The following EBF2 variants were observed in gnomAD, a reference collection of about 807,000 sequenced individuals.
EBF2 encodes the protein transcription factor COE2.
EBF2 carries 21 observed loss-of-function variants against 72.8 expected under a neutral mutation model. The observed-to-expected ratio is 0.29, with a 90% CI of 0.20 to 0.42. EBF2 has a LOEUF of 0.42. EBF2 is among the 10% of genes least tolerant of loss of function. The probability of loss-of-function intolerance (pLI) is 1.00; values close to 1 mark genes in which losing one functional copy is unlikely to be tolerated. For missense variants in EBF2, 637 were observed against 731.2 expected (o/e 0.87, Z 1.49); for synonymous variants, 299 against 274.2 (o/e 1.09, Z -0.89).
At chr8:25,865,733 G>T (rs776305885) in intron 10 of EBF2, among the ~76,000 whole-genome samples, 2 of 147,872 alleles carry the variant, frequency 1.4e-5, no homozygotes, top group African/African-American at 2.5e-5. Flanking sequence ...GCCTATAAAA[G>T]ATCTTAACCA....
intron 7 of EBF2, among the ~76,000 whole-genome samples, chr8:25,900,187 G>A (rs1279904412): frequency 6.6e-6 from 1 of 152,148 alleles, no homozygotes; most frequent in Non-Finnish European, 1.5e-5. Flanking sequence ...CAGGTGTGGT[G>A]GCTCACACCT....
At chr8:25,921,509 G>C (rs1803305532) in intron 6 of EBF2, among the ~76,000 whole-genome samples, 1 of 152,160 alleles carries the variant, frequency 6.6e-6, no homozygotes, top group Non-Finnish European at 1.5e-5. Flanking sequence ...AAGATTCCAG[G>C]AATCAGGAAT....
At chr8:25,976,623 G>A (rs1373819566) in intron 6 of EBF2, among the ~76,000 whole-genome samples, 1 of 147,224 alleles carries the variant, frequency 6.8e-6, no homozygotes, top group Non-Finnish European at 1.5e-5. Context: ...CTAAAGAGAT[G>A]AGGGGCTTTC....
At chr8:25,939,244 C>T (rs1217121459) in intron 6 of EBF2, among the ~76,000 whole-genome samples, 1 of 152,142 alleles carries the variant, frequency 6.6e-6, no homozygotes, top group African/African-American at 2.4e-5. Flanking sequence ...GAGAACATTG[C>T]TTTAAAACTT....
intron 6 of EBF2, among the ~76,000 whole-genome samples, chr8:25,984,695 AC>A (rs993624781): frequency 6.6e-6 from 1 of 151,524 alleles, no homozygotes; most frequent in African/African-American, 2.4e-5. Flanking sequence ...AAAAAAAAAG[AC>A]CCATTTGCCT....
chr8:25,917,200 T>G (rs1375735552), intron 6 of EBF2, among the ~76,000 whole-genome samples: 1 of 23,478 alleles, frequency 4.3e-5, no homozygotes, highest in South Asian at 8.9e-4. Flanking sequence ...TGGTTTGGGG[T>G]TTTTTTTTTT....
At chr8:25,866,632 TA>T (rs58458736) in intron 10 of EBF2, among the ~76,000 whole-genome samples, 1,732 of 107,606 alleles carry the variant, frequency 0.016, 52 homozygotes, top group African/African-American at 0.077. Flanking sequence ...TATATATATA[TA>T]TATTTTTTTT....
chr8:25,959,689 T>G (rs550400255), intron 6 of EBF2, among the ~76,000 whole-genome samples: 3 of 152,160 alleles, frequency 2.0e-5, no homozygotes, highest in Non-Finnish European at 4.4e-5. Flanking sequence ...GCAAACATCT[T>G]TGCCCCAGGT....
chr8:25,879,870 A>G (rs1230976150), intron 10 of EBF2, among the ~76,000 whole-genome samples: 1 of 152,132 alleles, frequency 6.6e-6, no homozygotes, highest in African/African-American at 2.4e-5. Context: ...CATTTGTTTA[A>G]AAGAAAATCT....
chr8:25,913,225 G>C (rs142091043), intron 6 of EBF2, among the ~76,000 whole-genome samples: 1,923 of 152,122 alleles, frequency 0.013, 44 homozygotes, highest in African/African-American at 0.044. Context: ...GGAGTATCAC[G>C]AGATCAAGAG....
intron 6 of EBF2, among the ~76,000 whole-genome samples, chr8:25,970,427 A>C (rs1417588914): frequency 6.6e-5 from 10 of 152,116 alleles, no homozygotes. Flanking sequence ...AGCTCTCCTT[A>C]GACATATGAA....
chr8:25,863,331 G>C (rs1802244517), intron 10 of EBF2, among the ~76,000 whole-genome samples: 3 of 151,948 alleles, frequency 2.0e-5, no homozygotes, highest in Non-Finnish European at 4.4e-5. Flanking sequence ...CCCACGTCTG[G>C]TAACTATCAG....
chr8:25,907,301 T>A (rs1266656219), intron 7 of EBF2, among the ~76,000 whole-genome samples: 2 of 151,120 alleles, frequency 1.3e-5, no homozygotes, highest in Non-Finnish European at 2.9e-5. Flanking sequence ...ACACCTGTAG[T>A]CCTAGCTACT....
At chr8:25,875,174 C>T (rs1802502138) in intron 10 of EBF2, among the ~76,000 whole-genome samples, 1 of 152,188 alleles carries the variant, frequency 6.6e-6, no homozygotes, top group Non-Finnish European at 1.5e-5. Context: ...GACAAAGAAG[C>T]CCTGTGCTGG....
intron 6 of EBF2, among the ~76,000 whole-genome samples, chr8:25,925,873 G>A (rs2117139641): frequency 6.6e-6 from 1 of 152,180 alleles, no homozygotes; most frequent in East Asian, 1.9e-4. Flanking sequence ...CCCGTGTGGG[G>A]GAATGCTTTT....
intron 6 of EBF2, among the ~76,000 whole-genome samples, chr8:25,967,554 T>C (rs1381831902): frequency 6.6e-6 from 1 of 152,246 alleles, no homozygotes; most frequent in African/African-American, 2.4e-5. Context: ...ATTTATTGAA[T>C]ACTGTACTGA....
chr8:26,001,393 T>C (rs922276102), intron 6 of EBF2, among the ~76,000 whole-genome samples: 48 of 152,326 alleles, frequency 3.2e-4, no homozygotes, highest in African/African-American at 9.9e-4. Flanking sequence ...TATGAAGACA[T>C]CTATCAACAT....
At chr8:26,029,117 A>C (rs1034791025) in intron 6 of EBF2, among the ~76,000 whole-genome samples, 3 of 152,234 alleles carry the variant, frequency 2.0e-5, no homozygotes, top group African/African-American at 7.2e-5. Flanking sequence ...TAAGTCCTTA[A>C]TGGAGGATCC....
chr8:25,986,919 A>T (rs7001438), intron 6 of EBF2, among the ~76,000 whole-genome samples: 65,903 of 151,932 alleles, frequency 0.43, 14,625 homozygotes, highest in Middle Eastern at 0.51. Context: ...CAAAGGCAAC[A>T]TGGGGAGCCC....
Sources: gnomAD v4.1 joint callset for allele counts (sites outside exome capture counted in the v4.1 genomes callset) on GRCh38, gnomAD v4.1.1 for gene constraint, MANE v1.5 for transcripts, NCBI Gene and HGNC (gene_info 2026-07-23, HGNC 2026-07-21) for gene names.